Variants in STXBP3 observed in about 807,000 individuals in gnomAD.
STXBP3 encodes syntaxin-binding protein 3.
A neutral mutation model predicts 85.7 loss-of-function variants in STXBP3; 41 were observed. The observed-to-expected ratio is 0.48, with a 90% CI of 0.37 to 0.62. STXBP3 has a LOEUF of 0.62. Among genes scored for constraint, STXBP3 ranks in the 20% least tolerant of loss-of-function variants. The pLI, the probability that STXBP3 is intolerant of heterozygous loss-of-function variation, is 0.00. For missense variants in STXBP3, 563 were observed against 703.1 expected (o/e 0.80, Z 2.25); for synonymous variants, 229 against 231.7 (o/e 0.99, Z 0.10).
chr1:108,754,127 G>A (rs190164765), intron 3 of STXBP3, among the ~76,000 whole-genome samples: 1 of 149,206 alleles, frequency 6.7e-6, no homozygotes, highest in Admixed American at 6.7e-5. Context: ...CCTCCTCCTG[G>A]GTTCAAACAA....
intron 6 of STXBP3, 29 bp downstream of exon 6, chr1:108,760,114 T>C (rs112963783): frequency 1.4e-6 from 2 of 1,414,786 alleles, no homozygotes; most frequent in Non-Finnish European, 1.9e-6. Context: ...TTTTAGTTCA[T>C]GAGAGGTTTC....
chr1:108,779,171 G>A, intron 8 of STXBP3, 115 bp from the exon 9 acceptor site: 1 of 1,082,830 alleles, frequency 9.2e-7, no homozygotes, highest in Non-Finnish European at 1.3e-6. Flanking sequence ...GTATGTTTTT[G>A]GTGGGGAAAA....
intron 6 of STXBP3, chr1:108,766,790 A>G (rs915550138): frequency 1.2e-4 from 28 of 238,668 alleles, no homozygotes; most frequent in Middle Eastern, 1.6e-3. Context: ...TCTTAGCTCA[A>G]ACCCTCCAAA....
intron 6 of STXBP3, 28 bp downstream of exon 6, chr1:108,760,113 A>G (rs1662105818): frequency 5.7e-6 from 8 of 1,415,822 alleles, no homozygotes; most frequent in Non-Finnish European, 7.6e-6. Context: ...TTTTTAGTTC[A>G]TGAGAGGTTT....
chr1:108,797,969 C>A (rs1268142253), intron 15 of STXBP3, among the ~76,000 whole-genome samples, 176 bp from the exon 16 acceptor site: 1 of 152,152 alleles, frequency 6.6e-6, no homozygotes, highest in Non-Finnish European at 1.5e-5. Context: ...AAATACTGTT[C>A]AGTGGAGTTA....
intron 7 of STXBP3, 44 bp from the exon 8 acceptor site, chr1:108,776,289 C>T: frequency 7.5e-7 from 1 of 1,335,362 alleles, no homozygotes; most frequent in Non-Finnish European, 1.0e-6. Flanking sequence ...ATAAAGTATA[C>T]ACTGAAAGAA....
rs1367694421 is a variant in STXBP3 at position 108,746,724 on chromosome 1, G to A, written c.-14G>A. ...AGTGGAAGGTGGTGGCTGCTGCTCC[G>A]CAGTGTCGGGAAGATGGCGCCGCCG... is the stretch of plus-strand genomic sequence containing the variant. On this transcript the variant is annotated 5_prime_UTR_variant, in exon 1 of 19. Transcript: ENST00000370008. 1.3e-6 allele frequency: 2 copies of A among 1,548,870 alleles called. No individual in the cohort carries two copies. The highest frequency in any genetic ancestry group is 3.9e-5 in the Admixed American group (2 of 50,914).
intron 11 of STXBP3, among the ~76,000 whole-genome samples, chr1:108,783,495 A>AT (rs1389134978): frequency 3.9e-5 from 6 of 152,032 alleles, no homozygotes; most frequent in Admixed American, 6.6e-5. Context: ...TTAGTAATTC[A>AT]TTTTTTTCAT....
At chr1:108,796,408 C>A in intron 14 of STXBP3, 36 bp downstream of exon 14, 1 of 1,373,460 alleles carries the variant, frequency 7.3e-7, no homozygotes, top group Admixed American at 2.2e-5. Flanking sequence ...AAGTATTTTA[C>A]TATTGATCAT....
chr1:108,783,905 A>G (rs949579747), intron 11 of STXBP3, among the ~76,000 whole-genome samples: 1 of 152,108 alleles, frequency 6.6e-6, no homozygotes, highest in Non-Finnish European at 1.5e-5. Flanking sequence ...AATTTCTCTA[A>G]TGTTCTTGTG....
At chr1:108,800,377 C>G (rs1237686927) in intron 17 of STXBP3, 72 bp downstream of exon 17, 1 of 1,187,642 alleles carries the variant, frequency 8.4e-7, no homozygotes, top group East Asian at 2.4e-5. Context: ...TACACAGATA[C>G]TCATATTTGG....
chr1:108,792,442 G>A (rs1473046850), intron 11 of STXBP3, among the ~76,000 whole-genome samples: 3 of 152,176 alleles, frequency 2.0e-5, no homozygotes, highest in Admixed American at 6.5e-5. Flanking sequence ...CGTGCATACA[G>A]TGTGTAATGA....
intron 6 of STXBP3, among the ~76,000 whole-genome samples, chr1:108,772,424 AATAC>A (rs1662483163): frequency 7.4e-6 from 1 of 135,280 alleles, no homozygotes. Flanking sequence ...TGTATATATA[AATAC>A]ATATGATATC....
chr1:108,802,289 C>CA (rs1225733410), intron 17 of STXBP3, among the ~76,000 whole-genome samples: 1 of 152,046 alleles, frequency 6.6e-6, no homozygotes, highest in Non-Finnish European at 1.5e-5. Flanking sequence ...CCCAGCTATT[C>CA]AGGAGGCTGA....
chr1:108,748,978 C>T (rs993523116), intron 1 of STXBP3, among the ~76,000 whole-genome samples: 10 of 152,060 alleles, frequency 6.6e-5, no homozygotes, highest in Non-Finnish European at 1.5e-4. Flanking sequence ...GAGGGAATTT[C>T]GAGGTGTGTA....
chr1:108,791,262 T>C (rs951792903), intron 11 of STXBP3, among the ~76,000 whole-genome samples: 1 of 152,176 alleles, frequency 6.6e-6, no homozygotes, highest in Non-Finnish European at 1.5e-5. Context: ...CTGTGTTTAT[T>C]AATATTTTCT....
intron 4 of STXBP3, among the ~76,000 whole-genome samples, chr1:108,757,451 C>T (rs766839163): frequency 2.6e-5 from 4 of 151,924 alleles, no homozygotes; most frequent in South Asian, 2.1e-4. Context: ...TACATGTTGG[C>T]TGCTAGTGGG....
At chr1:108,808,050 A>C (rs1349753676) in intron 18 of STXBP3, among the ~76,000 whole-genome samples, 2 of 152,240 alleles carry the variant, frequency 1.3e-5, no homozygotes, top group Admixed American at 1.3e-4. Context: ...TTATTTTAAA[A>C]TGTGCTTATT....
At position 108,746,731 on chromosome 1, in the gene STXBP3, C is replaced by A. The variant is rs1124427; in HGVS notation, c.-7C>A. ...GGTGGTGGCTGCTGCTCCGCAGTGT[C>A]GGGAAGATGGCGCCGCCGGTGGCAG... On this transcript the variant is annotated 5_prime_UTR_variant, in exon 1 of 19. Transcript: ENST00000370008. 1.3e-6 allele frequency: 2 copies of A among 1,548,844 alleles called. No individual in the cohort carries two copies. Among genetic ancestry groups the A allele is most frequent in the South Asian group, 1.2e-5 (1 of 84,006 alleles).
Sources: allele counts gnomAD v4.1 joint callset (sites outside exome capture counted in the v4.1 genomes callset), GRCh38; gene constraint gnomAD v4.1.1; transcripts MANE v1.5; gene names NCBI Gene and HGNC (gene_info 2026-07-23, HGNC 2026-07-21).